GLYATL1B: variants seen among roughly 807,000 people sequenced by gnomAD.
The protein encoded by GLYATL1B is glycine-N-acyltransferase like 1B.
GLYATL1B carries 6 observed loss-of-function variants against 5.5 expected under a neutral mutation model. That is an observed-to-expected ratio of 1.09 (90% CI 0.60 to 2.15). The LOEUF is 2.15. Among genes scored for constraint, GLYATL1B ranks in the 30% most tolerant of loss-of-function variants. GLYATL1B has a pLI of 0.00. For synonymous variants in GLYATL1B, 67 were observed against 34.9 expected, an observed-to-expected ratio of 1.92 and a Z score of -3.24; for missense variants, 135 against 94.1, an observed-to-expected ratio of 1.43 and a Z score of -1.80.
At chr11:59,093,780 AG>A (rs1430008224) in intron 3 of GLYATL1B, 125 bp downstream of exon 3, 3 of 437,292 alleles carry the variant, frequency 6.9e-6, no homozygotes, top group Non-Finnish European at 1.2e-5. Context: ...GAGCTGGGAG[AG>A]GTGGAGCAAT....
Position 59,094,697 on chromosome 11 carries a change from A to T in GLYATL1B, c.820A>T (p.Ile274Phe), listed in dbSNP as rs1565178872. 6.7e-6 allele frequency: 3 copies of T among 448,624 alleles called. No homozygotes were observed. Among genetic ancestry groups the T allele is most frequent in the Non-Finnish European group, 1.2e-5 (3 of 247,284 alleles). 27.8% of individuals were successfully genotyped at this position (448,624 alleles called of 1,614,324 possible). ...GSVLEENQGV[I>F]RKTSALGFLE... ...TGTGCTGGAAGAAAATCAAGGCGTC[A>T]TCAGAAAGACTAGTGCACTAGGTTT... Residue 274 changes from isoleucine to phenylalanine, a missense_variant, in exon 5 of 5, where the codon ATC (isoleucine) becomes TTC (phenylalanine). By Grantham distance (21) the Ile-to-Phe change is conservative. Transcript: ENST00000527482.
At chr11:59,090,863 T>G (rs1280202608) in intron 2 of GLYATL1B, among the ~76,000 whole-genome samples, 2 of 152,276 alleles carry the variant, frequency 1.3e-5, no homozygotes, top group East Asian at 3.9e-4. Context: ...GTCTCATTCC[T>G]GATTTTAATG....
intron 2 of GLYATL1B, among the ~76,000 whole-genome samples, chr11:59,093,005 G>A (rs1197670147): frequency 6.6e-6 from 1 of 152,172 alleles, no homozygotes; most frequent in Non-Finnish European, 1.5e-5. Flanking sequence ...CTTGTGCCGA[G>A]CTTAAGAACT....
At chr11:59,089,999 T>A (rs1400503292) in intron 2 of GLYATL1B, among the ~76,000 whole-genome samples, 2 of 152,116 alleles carry the variant, frequency 1.3e-5, no homozygotes, top group Non-Finnish European at 2.9e-5. Flanking sequence ...TGGAATATAT[T>A]TTTGAATAGC....
At chr11:59,086,478 C>T in intron 1 of GLYATL1B, 94 bp downstream of exon 1, 1 of 395,472 alleles carries the variant, frequency 2.5e-6, no homozygotes, top group Non-Finnish European at 4.5e-6. Context: ...TGACTTTGTG[C>T]AGAGGGTTGG....
intron 2 of GLYATL1B, among the ~76,000 whole-genome samples, chr11:59,087,603 G>A (rs1859216915): frequency 1.3e-5 from 2 of 152,170 alleles, no homozygotes; most frequent in Admixed American, 6.5e-5. Context: ...CCAGCACTTT[G>A]GGAGGCCAAG....
chr11:59,092,551 A>G (rs1302577233), intron 2 of GLYATL1B, among the ~76,000 whole-genome samples: 1 of 152,212 alleles, frequency 6.6e-6, no homozygotes, highest in Non-Finnish European at 1.5e-5. Context: ...AAAATTAGTT[A>G]CACTATTTTC....
At chr11:59,091,135 A>G (rs1446227372) in intron 2 of GLYATL1B, among the ~76,000 whole-genome samples, 1 of 152,072 alleles carries the variant, frequency 6.6e-6, no homozygotes, top group East Asian at 1.9e-4. Flanking sequence ...TTCTTTTCAT[A>G]TGCTACTGAA....
intron 2 of GLYATL1B, among the ~76,000 whole-genome samples, 154 bp downstream of exon 2, chr11:59,087,325 C>T (rs755224944): frequency 6.6e-6 from 1 of 151,814 alleles, no homozygotes; most frequent in Middle Eastern, 3.4e-3. Context: ...GTGAGTGCCA[C>T]ATGTTAACAC....
chr11:59,092,174 T>C (rs1454216362), intron 2 of GLYATL1B, among the ~76,000 whole-genome samples: 2 of 151,980 alleles, frequency 1.3e-5, no homozygotes, highest in Non-Finnish European at 2.9e-5. Flanking sequence ...TTTTTTTTCT[T>C]TTTTCTCTTT....
intron 3 of GLYATL1B, 126 bp from the exon 4 acceptor site, chr11:59,093,808 A>T (rs1859372448): frequency 1.1e-5 from 5 of 461,826 alleles, no homozygotes; most frequent in Admixed American, 8.2e-5. Context: ...TGTGCCAAGG[A>T]CTATAGCTGA....
At position 59,088,515 on chromosome 11, in the gene GLYATL1B, C is replaced by G. The variant is rs77132060; in HGVS notation, c.186+1344C>G. 4.7e-3 allele frequency among the ~76,000 whole-genome samples: 708 copies of G among 152,188 alleles called. 11 individuals are homozygous for G. The highest frequency in any genetic ancestry group is 0.016 in the African/African-American group (668 of 41,508). On this transcript the variant is annotated intron_variant, in intron 2 of 4. Transcript: ENST00000527482. ...TCCTGGTTTCCTGACAATTTCGGAT[C>G]GATGATTAATGGTTAGTTTACTTGA...
chr11:59,090,765 T>C (rs1859291340), intron 2 of GLYATL1B, among the ~76,000 whole-genome samples: 1 of 152,096 alleles, frequency 6.6e-6, no homozygotes, highest in Non-Finnish European at 1.5e-5. Context: ...TTGCCAATAT[T>C]TGTATGGGTT....
intron 2 of GLYATL1B, among the ~76,000 whole-genome samples, chr11:59,089,382 G>A (rs1434093582): frequency 1.3e-5 from 2 of 152,182 alleles, no homozygotes; most frequent in Non-Finnish European, 2.9e-5. Flanking sequence ...AAAGGGATAA[G>A]TCCAAGTCAG....
intron 2 of GLYATL1B, 88 bp from the exon 3 acceptor site, chr11:59,093,441 T>C (rs1284437704): frequency 2.3e-6 from 1 of 443,140 alleles, no homozygotes. Flanking sequence ...AACTTTCTTT[T>C]GAATTTTCAT....
In GLYATL1B at chr11:59,087,060, T is replaced by G; in HGVS notation, c.79-4T>G. ...TCTCCTATTCCCTTTCATCCCTCCT[T>G]CAGGTGTATGGCTCTCTGTTTCACA... On this transcript the variant is annotated splice_region_variant and splice_polypyrimidine_tract_variant and intron_variant, in intron 1 of 4. Transcript: ENST00000527482. 1 of 654,558 alleles carries G rather than the reference T, an allele frequency of 1.5e-6. No homozygotes were observed. The highest frequency in any genetic ancestry group is 2.0e-5 in the Admixed American group (1 of 48,988). The allele number at this position is 654,558 out of a possible 1,614,324, so 40.5% of individuals were successfully genotyped here.
intron 1 of GLYATL1B, among the ~76,000 whole-genome samples, chr11:59,086,629 C>T (rs1477859147): frequency 6.6e-6 from 1 of 152,114 alleles, no homozygotes; most frequent in African/African-American, 2.4e-5. Context: ...CTACGAACAT[C>T]GGTTTGGGGC....
rs114876321 is a variant in GLYATL1B, at chr11:59,091,736, G to A, written c.187-1793G>A. Among the ~76,000 whole-genome samples the A allele has an allele frequency of 9.7e-3, 1,475 of 152,148 alleles. 25 individuals are homozygous for A. The highest frequency in any genetic ancestry group is 0.034 in the African/African-American group (1,398 of 41,520). ...GTAAATACCCAAAAGAAAATGAATC[G>A]TTCTACCAAAATGACACATGCACTA... On this transcript the variant is annotated intron_variant, in intron 2 of 4. Coordinates refer to ENST00000527482, the MANE Select transcript of GLYATL1B (RefSeq NM_001355566.1).
chr11:59,089,879 G>A (rs539650840), intron 2 of GLYATL1B, among the ~76,000 whole-genome samples: 2 of 151,706 alleles, frequency 1.3e-5, no homozygotes, highest in African/African-American at 2.4e-5. Context: ...GAGTTTTTTT[G>A]TTAATAATTA....
Sources: allele counts gnomAD v4.1 joint callset (sites outside exome capture counted in the v4.1 genomes callset), GRCh38; gene constraint gnomAD v4.1.1; transcripts MANE v1.5; gene names NCBI Gene and HGNC (gene_info 2026-07-23, HGNC 2026-07-21).